The following CNKSR2 variants were observed in gnomAD, a reference collection of about 807,000 sequenced individuals.
The protein encoded by CNKSR2 is connector enhancer of kinase suppressor of Ras 2.
In CNKSR2, 14 loss-of-function variants were observed where a neutral mutation model predicts 84.4. The observed-to-expected ratio is 0.17, with a 90% confidence interval of 0.11 to 0.26. CNKSR2 has a LOEUF of 0.26. CNKSR2 is among the 10% of genes least tolerant of loss of function. The pLI, the probability that CNKSR2 is intolerant of heterozygous loss-of-function variation, is 1.00. For missense variants in CNKSR2, 485 were observed against 771.2 expected (o/e 0.63, Z 4.40); for synonymous variants, 275 against 277.9 (o/e 0.99, Z 0.10).
At chrX:21,421,448 A>G (rs1351720005) in intron 1 of CNKSR2, among the ~76,000 whole-genome samples, 1 of 109,437 alleles carries the variant, frequency 9.1e-6, no homozygotes, top group Admixed American at 9.8e-5. Flanking sequence ...AGGGAAGGCA[A>G]TTGGTGGAGC....
intron 1 of CNKSR2, chrX:21,424,002 C>T (rs1319325356): frequency 9.0e-6 from 1 of 111,005 alleles, no homozygotes; most frequent in Non-Finnish European, 1.9e-5. Flanking sequence ...CCGATATAGT[C>T]GAATTAGGTT....
At chrX:21,399,110 A>G (rs1601736376) in intron 1 of CNKSR2, among the ~76,000 whole-genome samples, 1 of 111,310 alleles carries the variant, frequency 9.0e-6, no homozygotes, top group South Asian at 3.8e-4. Flanking sequence ...GCAATTATAC[A>G]GACCAGTAAT....
intron 1 of CNKSR2, among the ~76,000 whole-genome samples, chrX:21,379,174 G>A (rs935108132): frequency 1.1e-4 from 12 of 112,956 alleles, no homozygotes; most frequent in Admixed American, 1.9e-4. Flanking sequence ...TGTTGGATAA[G>A]GCAAAGATGT....
intron 20 of CNKSR2, among the ~76,000 whole-genome samples, chrX:21,647,061 C>G (rs1462699534): frequency 8.9e-6 from 1 of 111,974 alleles, no homozygotes; most frequent in African/African-American, 3.2e-5. Flanking sequence ...TCTTCCATCC[C>G]CCATCCCTCA....
rs780820272 is a variant in CNKSR2, at chrX:21,500,398, G to A, written c.742-1122G>A. On this transcript the variant is annotated intron_variant, in intron 7 of 21. Transcript: ENST00000379510. Reference sequence around the variant, plus strand: ...TATGTCCTACTCCAGGGTCTCAAAAGTAGCATTGTACTTTGCAGATTACAT... The same window carrying A: ...TATGTCCTACTCCAGGGTCTCAAAAATAGCATTGTACTTTGCAGATTACAT... 9.7e-4 allele frequency among the ~76,000 whole-genome samples: 108 copies of A among 111,183 alleles called. 2 individuals are homozygous for A. The highest frequency in any genetic ancestry group is 3.4e-3 in the African/African-American group (105 of 30,830).
chrX:21,503,324 T>C, intron 8 of CNKSR2: 2 of 295,377 alleles, frequency 6.8e-6, no homozygotes, highest in Non-Finnish European at 1.2e-5. Flanking sequence ...AATTGACTTA[T>C]GGCTTTAAGT....
chrX:21,452,192 G>A lies in CNKSR2; in HGVS notation c.519+11411G>A, dbSNP rs183005954. On this transcript the variant is annotated intron_variant, in intron 4 of 21. Coordinates refer to ENST00000379510, the MANE Select transcript of CNKSR2 (RefSeq NM_014927.5). The stretch of plus-strand genomic sequence containing the variant: ...TGCAACCTTCACCTCCCAGGTTCAA[G>A]CAATTCTCCTGCCTCAGCCTCCCAA... Among the ~76,000 whole-genome samples, 545 of 111,868 alleles carry A rather than the reference G, an allele frequency of 4.9e-3. 3 individuals carry two copies. Among genetic ancestry groups the A allele is most frequent in the Non-Finnish European group, 8.3e-3 (443 of 53,129 alleles).
chrX:21,474,811 G>A (rs866523120), intron 5 of CNKSR2, among the ~76,000 whole-genome samples: 2 of 111,807 alleles, frequency 1.8e-5, no homozygotes, highest in African/African-American at 3.3e-5. Flanking sequence ...ACTCACAAAA[G>A]CAAGCTTCAA....
intron 4 of CNKSR2, among the ~76,000 whole-genome samples, chrX:21,452,277 A>G (rs1168960986): frequency 9.0e-6 from 1 of 110,791 alleles, no homozygotes; most frequent in African/African-American, 3.3e-5. Context: ...TGTTTTTAGT[A>G]GAGACGGAGT....
intron 5 of CNKSR2, among the ~76,000 whole-genome samples, chrX:21,485,100 T>C (rs1469901539): frequency 1.8e-5 from 2 of 110,867 alleles, no homozygotes; most frequent in African/African-American, 6.6e-5. Flanking sequence ...GGAGAATAGC[T>C]TGAACCCGGG....
chrX:21,574,000 A>G (rs1252277769), intron 13 of CNKSR2, among the ~76,000 whole-genome samples: 2 of 111,218 alleles, frequency 1.8e-5, no homozygotes, highest in African/African-American at 6.6e-5. Context: ...TTTTCACCAG[A>G]TACCCTAAAT....
chrX:21,528,213 A>C (rs2091853328), intron 10 of CNKSR2, among the ~76,000 whole-genome samples: 1 of 111,179 alleles, frequency 9.0e-6, no homozygotes, highest in Non-Finnish European at 1.9e-5. Context: ...TGCTAGTTGC[A>C]TTTTAATTCT....
chrX:21,427,390 C>G (rs1235191525), intron 2 of CNKSR2: 1 of 111,956 alleles, frequency 8.9e-6, no homozygotes, highest in Non-Finnish European at 1.9e-5. Context: ...GTCAGAAGTA[C>G]AGATGTATTT....
chrX:21,540,012 T>A (rs917102115), intron 11 of CNKSR2, among the ~76,000 whole-genome samples: 1 of 111,931 alleles, frequency 8.9e-6, no homozygotes, highest in South Asian at 3.7e-4. Flanking sequence ...GTTAAGTCAT[T>A]CAACTAATAC....
intron 11 of CNKSR2, among the ~76,000 whole-genome samples, chrX:21,558,199 A>G (rs1424395364): frequency 2.7e-5 from 3 of 111,228 alleles, no homozygotes; most frequent in Non-Finnish European, 5.7e-5. Flanking sequence ...GGAATTAGAA[A>G]TAATTTAAGC....
intron 9 of CNKSR2, among the ~76,000 whole-genome samples, chrX:21,525,793 T>C (rs1361846596): frequency 1.8e-5 from 2 of 111,516 alleles, no homozygotes; most frequent in Admixed American, 9.6e-5. Flanking sequence ...TATATAAATA[T>C]GCTAAGAGAG....
At chrX:21,398,712 GT>G (rs1374295864) in intron 1 of CNKSR2, among the ~76,000 whole-genome samples, 12 of 111,840 alleles carry the variant, frequency 1.1e-4, no homozygotes, top group Non-Finnish European at 2.1e-4. Flanking sequence ...GGCGCATAGT[GT>G]AACTTAAATA....
At chrX:21,412,385 A>C (rs568244858) in intron 1 of CNKSR2, among the ~76,000 whole-genome samples, 4 of 112,385 alleles carry the variant, frequency 3.6e-5, no homozygotes, top group African/African-American at 1.3e-4. Context: ...AAATTCATCT[A>C]GATGTCATTT....
intron 6 of CNKSR2, chrX:21,495,153 A>G: frequency 8.9e-6 from 1 of 111,971 alleles, no homozygotes. Context: ...CTAACTGTAA[A>G]TAAAGCCATA....
Sources: allele counts gnomAD v4.1 joint callset (sites outside exome capture counted in the v4.1 genomes callset), GRCh38; gene constraint gnomAD v4.1.1; transcripts MANE v1.5; gene names NCBI Gene and HGNC (gene_info 2026-07-23, HGNC 2026-07-21).